ANKRD40: variants seen among roughly 807,000 people sequenced by gnomAD.
ANKRD40 encodes the protein ankyrin repeat domain-containing protein 40.
Under a neutral mutation model 35.5 loss-of-function variants are expected in ANKRD40, and 24 were observed. That is an observed-to-expected ratio of 0.68 (90% CI 0.49 to 0.95). The LOEUF (loss-of-function observed/expected upper bound fraction) is 0.95, where lower values mean the gene tolerates loss of function less well. Ranked by LOEUF, ANKRD40 falls within the 40% of genes least tolerant of loss-of-function variation. ANKRD40 has a pLI of 0.00. For synonymous variants in ANKRD40, 147 were observed against 173.5 expected, an observed-to-expected ratio of 0.85 and a Z score of 1.20; for missense variants, 361 against 436.0, an observed-to-expected ratio of 0.83 and a Z score of 1.53.
intron 1 of ANKRD40, 186 bp from the exon 2 acceptor site, chr17:50,700,902 T>A: frequency 1.9e-6 from 1 of 518,232 alleles, no homozygotes; most frequent in Non-Finnish European, 3.3e-6. Flanking sequence ...ATTTTGTTTT[T>A]AAATTTCATT....
In ANKRD40 at chr17:50,706,445, T is replaced by A. The variant is rs1968340083; in HGVS notation, c.134+1076A>T. On this transcript the variant is annotated intron_variant, in intron 1 of 4. Coordinates refer to ENST00000285243, the MANE Select transcript of ANKRD40 (RefSeq NM_052855.4). ...TGGCTAAGCATTACCTGAATCAAAA[T>A]TTTAAATTTTAAATGCAGAGAGCGG... is the stretch of plus-strand genomic sequence containing the variant. 2.6e-5 allele frequency among the ~76,000 whole-genome samples: 4 copies of A among 152,128 alleles called. No individual in the cohort carries two copies. The South Asian group carries it at 8.3e-4, about 31-fold the overall frequency.
chr17:50,706,903 CAAAAAAAAAAAA>C (rs35024672), intron 1 of ANKRD40, among the ~76,000 whole-genome samples: 24 of 37,988 alleles, frequency 6.3e-4, no homozygotes, highest in African/African-American at 1.6e-3. Context: ...GACCCTGTCT[CAAAAAAAAAAAA>C]AAAAAAAAAA....
rs1048349532 is a variant in ANKRD40, at chr17:50,693,775, T to G, written c.*2222A>C. On this transcript the variant is annotated 3_prime_UTR_variant, in exon 5 of 5. Coordinates refer to ENST00000285243, the MANE Select transcript of ANKRD40 (RefSeq NM_052855.4). ...TAACTTTATTAGTAAACTGTAACTG[T>G]TTTAGAAGTAAAGAAAAAAAAGGTT... The G allele has an allele frequency of 6.6e-6, 1 of 152,190 alleles. No homozygotes were observed. Among genetic ancestry groups the G allele is most frequent in the Non-Finnish European group, 1.5e-5 (1 of 68,038 alleles). 9.4% of individuals were successfully genotyped at this position (152,190 alleles called of 1,614,324 possible).
chr17:50,700,794 T>C (rs1168305484), intron 1 of ANKRD40, 78 bp from the exon 2 acceptor site: 9 of 1,401,218 alleles, frequency 6.4e-6, no homozygotes, highest in African/African-American at 1.4e-5. Context: ...GTAAATAATG[T>C]ATAAACAAGC....
intron 1 of ANKRD40, among the ~76,000 whole-genome samples, chr17:50,705,119 T>A (rs1331669658): frequency 6.6e-5 from 2 of 30,202 alleles, no homozygotes; most frequent in East Asian, 9.9e-4. Flanking sequence ...AGACTCTGTC[T>A]CAAAAAAAAA....
chr17:50,701,846 G>T (rs2146658248), intron 1 of ANKRD40, among the ~76,000 whole-genome samples: 1 of 152,264 alleles, frequency 6.6e-6, no homozygotes, highest in South Asian at 2.1e-4. Context: ...AAGCTGATTT[G>T]CCCTGGGCTT....
rs529233671 is a variant in ANKRD40 at position 50,707,467 on chromosome 17, C to T, written c.134+54G>A. 2 of 1,576,430 alleles carry T rather than the reference C, an allele frequency of 1.3e-6. No homozygotes were observed. Among genetic ancestry groups the T allele is most frequent in the East Asian group, 2.5e-5 (1 of 40,260 alleles). ...TGGGCCCAGGTCGCGACTGACTGCC[C>T]CACGCCTTCCGACCGGCTGCCCTGA... On this transcript the variant is annotated intron_variant, in intron 1 of 4. Coordinates refer to ENST00000285243, the MANE Select transcript of ANKRD40 (RefSeq NM_052855.4). The surrounding 1 kb of genome is among the most constrained non-coding windows in gnomAD (Gnocchi z 4.8).
At chr17:50,705,420 TAA>T (rs11459587) in intron 1 of ANKRD40, among the ~76,000 whole-genome samples, 1 of 141,542 alleles carries the variant, frequency 7.1e-6, no homozygotes. Flanking sequence ...CAAAGACCTG[TAA>T]AAAAAAAAAA....
At chr17:50,699,927 C>A (rs776919239) in intron 2 of ANKRD40, 34 bp from the exon 3 acceptor site, 3 of 1,440,486 alleles carry the variant, frequency 2.1e-6, no homozygotes, top group African/African-American at 2.8e-5. Flanking sequence ...TTTACACAGT[C>A]CTTTCAAAAT....
At position 50,707,506 on chromosome 17, in the gene ANKRD40, C is replaced by T. The variant is rs374500997; in HGVS notation, c.134+15G>A. ...CGGCTGCCCTGACCCTAGGCCTCCC[C>T]CGCTCCCCACTTACCAGCCGTTGAC... On this transcript the variant is annotated intron_variant, in intron 1 of 4. Coordinates refer to ENST00000285243, the MANE Select transcript of ANKRD40 (RefSeq NM_052855.4). This position sits in a 1 kb window ranked among gnomAD's most constrained non-coding sequence, Gnocchi z 4.8. 4.4e-5 allele frequency: 70 copies of T among 1,603,450 alleles called. No individual in the cohort carries two copies. The highest frequency in any genetic ancestry group is 5.6e-5 in the Non-Finnish European group (66 of 1,174,864).
intron 2 of ANKRD40, 117 bp downstream of exon 2, chr17:50,700,451 A>G: frequency 2.7e-6 from 3 of 1,130,246 alleles, no homozygotes; most frequent in Non-Finnish European, 3.6e-6. Flanking sequence ...CTCGGAAAAA[A>G]AAAAAAAAAG....
At position 50,707,414 on chromosome 17, in the gene ANKRD40, G is replaced by A; in HGVS notation, c.134+107C>T. ...ACAATCTCGGAGGCCCGAGGTGGCA[G>A]GCCTCGCCGTAGCCAGGCGTCCCGC... On this transcript the variant is annotated intron_variant, in intron 1 of 4. Coordinates refer to ENST00000285243, the MANE Select transcript of ANKRD40 (RefSeq NM_052855.4). The surrounding 1 kb of genome is among the most constrained non-coding windows in gnomAD (Gnocchi z 4.8). 6.7e-7 allele frequency: 1 copy of A among 1,482,632 alleles called. No individual in the cohort carries two copies. The highest frequency in any genetic ancestry group is 1.2e-5 in the South Asian group (1 of 80,618). 91.8% of individuals were successfully genotyped at this position (1,482,632 alleles called of 1,614,324 possible).
At chr17:50,705,710 G>GT (rs1968327287) in intron 1 of ANKRD40, among the ~76,000 whole-genome samples, 1 of 150,154 alleles carries the variant, frequency 6.7e-6, no homozygotes, top group Non-Finnish European at 1.5e-5. Context: ...CACCAGCCTG[G>GT]AGTGCAGTGG....
Position 50,699,797 on chromosome 17 carries a change from G to A in ANKRD40, c.380C>T (p.Pro127Leu). ...LPFVPNYLAN[P>L]AFPFIYTPTA... ...GGGTGTATAGATAAAAGGGAAGGCTGGGTTGGCCAAATAGTTGGGAACAAA... is the reference window on the plus strand; with the variant it reads ...GGGTGTATAGATAAAAGGGAAGGCTAGGTTGGCCAAATAGTTGGGAACAAA... Residue 127 changes from proline to leucine, a missense_variant, in exon 3 of 5, where the codon CCA becomes CTA. Physicochemically the swap from Pro to Leu is moderately conservative, Grantham distance 98. Around this residue, in one of 5 missense-constraint regions of ANKRD40, gnomAD observed 172 missense variants for 174.0 expected, o/e 0.99. Transcript: ENST00000285243. 1 of 1,585,232 alleles carries A rather than the reference G, an allele frequency of 6.3e-7. No homozygotes were observed. Among genetic ancestry groups the A allele is most frequent in the Non-Finnish European group, 8.6e-7 (1 of 1,164,284 alleles).
At position 50,693,599 on chromosome 17, in the gene ANKRD40, T is replaced by C. The variant is rs1968156821; in HGVS notation, c.*2398A>G. 1 of 152,240 alleles carries C rather than the reference T, an allele frequency of 6.6e-6. No homozygotes were observed. The highest frequency in any genetic ancestry group is 6.5e-5 in the Admixed American group (1 of 15,280). The allele number at this position is 152,240 out of a possible 1,614,324, so 9.4% of individuals were successfully genotyped here. A position where few individuals can be genotyped will look rare whatever the true frequency, so the allele number is the denominator to read the frequency against. ...TGCCTCTGTCGCTAAGCCCAGAACA[T>C]GCCCTGCAGCTGCTCCTCTGGAGGC... On this transcript the variant is annotated 3_prime_UTR_variant, in exon 5 of 5. Transcript: ENST00000285243.
At chr17:50,700,150 A>G (rs1189345141) in intron 2 of ANKRD40, 1 of 367,392 alleles carries the variant, frequency 2.7e-6, no homozygotes, top group African/African-American at 2.1e-5. Flanking sequence ...TTGCTTTTAG[A>G]AATAGAACAG....
Position 50,707,843 on chromosome 17 carries a change from G to T in ANKRD40, c.-189C>A. The stretch of plus-strand genomic sequence containing the variant: ...CTCCCTCCCGCGGGCCGCCCCTGCT[G>T]CTCCCGGCCCGCAGGCCCAGGCCTC... On this transcript the variant is annotated 5_prime_UTR_variant, in exon 1 of 5. Transcript: ENST00000285243. This position sits in a 1 kb window ranked among gnomAD's most constrained non-coding sequence, Gnocchi z 4.8. The T allele has an allele frequency of 4.9e-6, 1 of 202,104 alleles. No individual in the cohort carries two copies. Among genetic ancestry groups the T allele is most frequent in the Non-Finnish European group, 9.0e-6 (1 of 111,522 alleles). The allele number at this position is 202,104 out of a possible 1,614,324, so 12.5% of individuals were successfully genotyped here. A position where few individuals can be genotyped will look rare whatever the true frequency, so the allele number is the denominator to read the frequency against.
At chr17:50,706,469 G>A (rs541488186) in intron 1 of ANKRD40, among the ~76,000 whole-genome samples, 4 of 152,118 alleles carry the variant, frequency 2.6e-5, no homozygotes, top group South Asian at 2.1e-4. Flanking sequence ...TGCAGAGAGC[G>A]GAATAATGCC....
chr17:50,695,766 G>C lies in ANKRD40; in HGVS notation c.*231C>G. On this transcript the variant is annotated 3_prime_UTR_variant, in exon 5 of 5. Transcript: ENST00000285243. ...TTCTGCCTCTCCAGACCACTTCTCAGCTGTTCAAAGCTTCAAGCAATAGGT... is the reference window on the plus strand; with the variant it reads ...TTCTGCCTCTCCAGACCACTTCTCACCTGTTCAAAGCTTCAAGCAATAGGT... 1 of 446,248 alleles carries C rather than the reference G, an allele frequency of 2.2e-6. No homozygotes were observed. 27.6% of individuals were successfully genotyped at this position (446,248 alleles called of 1,614,324 possible).
Sources: allele counts gnomAD v4.1 joint callset (sites outside exome capture counted in the v4.1 genomes callset), GRCh38; gene constraint gnomAD v4.1.1; regional missense constraint gnomAD v4.1.1; non-coding constraint Gnocchi (gnomAD v3.1); transcripts MANE v1.5; gene names NCBI Gene and HGNC (gene_info 2026-07-23, HGNC 2026-07-21).